The following RMDN2 variants were observed in gnomAD, a reference collection of about 807,000 sequenced individuals.
The protein encoded by RMDN2 is regulator of microtubule dynamics 2, also known as regulator of microtubule dynamics protein 2.
In RMDN2, 61 loss-of-function variants were observed where a neutral mutation model predicts 52.8. The ratio of observed to expected loss-of-function variants is 1.16; its 90% CI spans 0.94 to 1.43. The LOEUF (loss-of-function observed/expected upper bound fraction) is 1.43. Ranked by LOEUF, RMDN2 falls within the 40% of genes most tolerant of loss-of-function variation. RMDN2 has a pLI of 0.00. For synonymous variants in RMDN2, 180 were observed against 153.1 expected (o/e 1.18, Z -1.30); for missense variants, 592 against 475.3 (o/e 1.25, Z -2.28).
intron 10 of RMDN2, among the ~76,000 whole-genome samples, chr2:38,056,798 A>C (rs980048741): frequency 1.3e-5 from 2 of 152,230 alleles, no homozygotes; most frequent in Admixed American, 6.5e-5. Context: ...CAAGGGTTTT[A>C]AGTCCTGAAA....
intron 4 of RMDN2, among the ~76,000 whole-genome samples, chr2:37,980,065 C>T (rs567506511): frequency 3.3e-5 from 5 of 151,788 alleles, no homozygotes; most frequent in African/African-American, 9.7e-5. Flanking sequence ...CAAATAGAAC[C>T]GTGGTTTTAG....
At chr2:38,053,935 G>C (rs1681741516) in intron 10 of RMDN2, among the ~76,000 whole-genome samples, 1 of 152,186 alleles carries the variant, frequency 6.6e-6, no homozygotes, top group Non-Finnish European at 1.5e-5. Flanking sequence ...GATAGACAGA[G>C]AGTTAGAGGA....
rs541547336 is a variant in RMDN2, at chr2:37,949,368, T to C, written c.452+19639T>C. ...GTGGTAGATCATCTAAGCTCAGCGT[T>C]CTTTCCTGTAACACAATCCACTGTG... On this transcript the variant is annotated intron_variant, in intron 2 of 10. Transcript: ENST00000354545. Among the ~76,000 whole-genome samples, 47 of 152,310 alleles carry C rather than the reference T, an allele frequency of 3.1e-4. No individual in the cohort carries two copies. The South Asian group carries it at 9.3e-3, about 30-fold the overall frequency.
Position 37,991,241 on chromosome 2 carries a change from A to G in RMDN2, c.889A>G (p.Lys297Glu). 6.3e-7 allele frequency: 1 copy of G among 1,589,822 alleles called. No individual in the cohort carries two copies. The highest frequency in any genetic ancestry group is 1.1e-5 in the South Asian group (1 of 87,618). Residue 297 changes from lysine to glutamate, a missense_variant, in exon 7 of 11, where the codon AAA (lysine) becomes GAA (glutamate). Lys to Glu is a moderately conservative substitution (Grantham distance 56). Coordinates refer to ENST00000354545, the MANE Select transcript of RMDN2 (RefSeq NM_001170791.3). ...LFKEHLDIAI[K>E]LLPEEPFLYY... Reference sequence around the variant, plus strand: ...TCAGGAACATCTAGATATAGCAATCAAACTTTTACCAGAGGAACCCTTTCT... The same window carrying G: ...TCAGGAACATCTAGATATAGCAATCGAACTTTTACCAGAGGAACCCTTTCT...
chr2:38,063,068 C>T (rs895675604), intron 10 of RMDN2, among the ~76,000 whole-genome samples: 1 of 152,178 alleles, frequency 6.6e-6, no homozygotes, highest in African/African-American at 2.4e-5. Context: ...AATAGTGCCA[C>T]TATAAACATA....
At chr2:38,038,135 C>A (rs1680708888) in intron 10 of RMDN2, among the ~76,000 whole-genome samples, 1 of 152,028 alleles carries the variant, frequency 6.6e-6, no homozygotes, top group African/African-American at 2.4e-5. Context: ...CACAGAAAAG[C>A]ACTTCCAGGC....
chr2:37,940,587 A>C (rs190720151), intron 2 of RMDN2, among the ~76,000 whole-genome samples: 1 of 151,960 alleles, frequency 6.6e-6, no homozygotes, highest in East Asian at 1.9e-4. Context: ...ATTCCTTTTC[A>C]TTCTTTTTTT....
At chr2:37,999,441 C>T (rs538271524) in intron 8 of RMDN2, among the ~76,000 whole-genome samples, 4 of 152,244 alleles carry the variant, frequency 2.6e-5, no homozygotes, top group South Asian at 4.1e-4. Context: ...ATTTAAACAC[C>T]TCAGCAAACC....
In RMDN2 at chr2:37,981,280, C is replaced by A. The variant is rs1673276488; in HGVS notation, c.731-3C>A. On this transcript the variant is annotated splice_region_variant and splice_polypyrimidine_tract_variant and intron_variant, in intron 4 of 10. Coordinates refer to ENST00000354545, the MANE Select transcript of RMDN2 (RefSeq NM_001170791.3). Reference sequence around the variant, plus strand: ...ATTAAGTGTAAGTACTTTTATCTTTCAGGAAAAACTTTAAGTGAAAGAGCT... The same window carrying A: ...ATTAAGTGTAAGTACTTTTATCTTTAAGGAAAAACTTTAAGTGAAAGAGCT... 6.4e-7 allele frequency: 1 copy of A among 1,572,970 alleles called. No individual in the cohort carries two copies. The highest frequency in any genetic ancestry group is 8.8e-7 in the Non-Finnish European group (1 of 1,142,754).
chr2:37,942,328 G>A (rs1363675813), intron 2 of RMDN2, among the ~76,000 whole-genome samples: 1 of 151,926 alleles, frequency 6.6e-6, no homozygotes, highest in African/African-American at 2.4e-5. Context: ...GCTGCAGACT[G>A]GAGCTGTTTC....
At chr2:38,022,671 A>G (rs754845688), downstream of RMDN2, among the ~76,000 whole-genome samples, 2 of 152,234 alleles carry the variant, frequency 1.3e-5, no homozygotes, top group African/African-American at 4.8e-5. Context: ...TGTAATTGCG[A>G]TGTTATCTTT....
intron 1 of RMDN2, among the ~76,000 whole-genome samples, chr2:37,926,386 A>T (rs571183788): frequency 1.3e-4 from 20 of 152,294 alleles, no homozygotes; most frequent in Middle Eastern, 3.4e-3. Flanking sequence ...TAGAGTCAAC[A>T]TTTTGATGTC....
chr2:37,954,884 T>G (rs1669258678), intron 2 of RMDN2, among the ~76,000 whole-genome samples: 1 of 152,162 alleles, frequency 6.6e-6, no homozygotes. Context: ...CAACAATGTT[T>G]TGTAGTTTTC....
At chr2:38,020,126 C>T (rs951489997), downstream of RMDN2, among the ~76,000 whole-genome samples, 3 of 152,004 alleles carry the variant, frequency 2.0e-5, no homozygotes, top group African/African-American at 4.8e-5. Flanking sequence ...CCTGGATCCG[C>T]GGGTGAGGGG....
intron 2 of RMDN2, among the ~76,000 whole-genome samples, chr2:37,941,983 G>T (rs1243764892): frequency 6.6e-6 from 1 of 151,472 alleles, no homozygotes; most frequent in Non-Finnish European, 1.5e-5. Context: ...CTCGGTATCT[G>T]CCCAAACAGC....
At chr2:37,947,843 T>C (rs1441274777) in intron 2 of RMDN2, among the ~76,000 whole-genome samples, 1 of 152,196 alleles carries the variant, frequency 6.6e-6, no homozygotes, top group Non-Finnish European at 1.5e-5. Flanking sequence ...GGGCATGTTC[T>C]TTGTGTTAAG....
At chr2:37,963,317 C>CTTTTTTTT (rs60052181) in intron 2 of RMDN2, 3 of 115,582 alleles carry the variant, frequency 2.6e-5, no homozygotes, top group Non-Finnish European at 3.4e-5. Flanking sequence ...ACGTGAGTTT[C>CTTTTTTTT]TTTTTTTTTT....
intron 6 of RMDN2, among the ~76,000 whole-genome samples, chr2:37,990,518 C>CAAAAAAAAAA: frequency 2.7e-5 from 1 of 37,586 alleles, no homozygotes; most frequent in Non-Finnish European, 4.9e-5. Context: ...GACTCCATCT[C>CAAAAAAAAAA]AAAAAAAAAA....
chr2:38,055,141 C>G (rs57627350), intron 10 of RMDN2, among the ~76,000 whole-genome samples: 1 of 152,040 alleles, frequency 6.6e-6, no homozygotes, highest in Admixed American at 6.5e-5. Context: ...ACCAGGTCTA[C>G]TTTCCCTCTT....
Sources: allele counts gnomAD v4.1 joint callset (sites outside exome capture counted in the v4.1 genomes callset), GRCh38; gene constraint gnomAD v4.1.1; transcripts MANE v1.5; gene names NCBI Gene and HGNC (gene_info 2026-07-23, HGNC 2026-07-21).